Variants in APBB2 observed in about 807,000 individuals in gnomAD.
The protein encoded by APBB2 is Fe65-like 1.
In APBB2, 38 loss-of-function variants were observed where a neutral mutation model predicts 82.5. That is an observed-to-expected ratio of 0.46 (90% CI 0.36 to 0.60). APBB2 has a LOEUF of 0.60. APBB2 is among the 20% of genes least tolerant of loss of function. APBB2 has a pLI of 0.00. For synonymous variants in APBB2, 341 were observed against 368.2 expected (o/e 0.93, Z 0.85); for missense variants, 772 against 972.3 (o/e 0.79, Z 2.74).
chr4:41,129,095 C>T (rs1263870145), intron 2 of APBB2, among the ~76,000 whole-genome samples: 1 of 152,140 alleles, frequency 6.6e-6, no homozygotes, highest in African/African-American at 2.4e-5. Context: ...ATTCCCACCA[C>T]AATCCTGGCC....
At chr4:40,996,179 C>T (rs1374125702) in intron 6 of APBB2, among the ~76,000 whole-genome samples, 1 of 152,154 alleles carries the variant, frequency 6.6e-6, no homozygotes, top group Non-Finnish European at 1.5e-5. Flanking sequence ...TGTGTCATCA[C>T]TGTATTTGAG....
At chr4:41,210,531 A>C (rs1011951633) in intron 1 of APBB2, among the ~76,000 whole-genome samples, 2 of 152,224 alleles carry the variant, frequency 1.3e-5, no homozygotes, top group African/African-American at 4.8e-5. Context: ...CCGTCAACAC[A>C]TATCAGCATG....
intron 1 of APBB2, among the ~76,000 whole-genome samples, chr4:41,151,775 T>TA (rs199892662): frequency 0.011 from 1,633 of 148,980 alleles, 21 homozygotes; most frequent in South Asian, 0.059. Flanking sequence ...ATGGTCTTCT[T>TA]TTTTTTTTTT....
At chr4:41,095,797 T>G (rs892884497) in intron 3 of APBB2, among the ~76,000 whole-genome samples, 4 of 152,176 alleles carry the variant, frequency 2.6e-5, no homozygotes, top group African/African-American at 9.7e-5. Context: ...CCAGATGATA[T>G]TCCACACTAC....
intron 11 of APBB2, among the ~76,000 whole-genome samples, chr4:40,891,070 T>A (rs1458553902): frequency 1.3e-5 from 2 of 152,232 alleles, no homozygotes; most frequent in African/African-American, 4.8e-5. Flanking sequence ...CACTGGCTCA[T>A]GAACTCTCTA....
chr4:40,982,277 AGAAAGAAGGAAGGAAGGAAGGAAGGAAG>A (rs1297474359), intron 6 of APBB2, among the ~76,000 whole-genome samples: 1,409 of 25,524 alleles, frequency 0.055, 134 homozygotes, highest in Non-Finnish European at 0.084. Context: ...AAAGAAAGAA[AGAAAGAAGGAAGGAAGGAAGGAAGGAAG>A]GAAAGAAAGA....
At chr4:41,204,335 A>G (rs1777426708) in intron 1 of APBB2, among the ~76,000 whole-genome samples, 1 of 152,212 alleles carries the variant, frequency 6.6e-6, no homozygotes, top group African/African-American at 2.4e-5. Context: ...TACAGTAGAA[A>G]CAGAAAGAGA....
intron 10 of APBB2, among the ~76,000 whole-genome samples, chr4:40,910,120 AAT>A (rs1491112869): frequency 1.0e-5 from 1 of 95,320 alleles, no homozygotes; most frequent in Non-Finnish European, 2.2e-5. Flanking sequence ...ATGCCTGGCT[AAT>A]TTTTTTTTTT....
At chr4:41,156,830 C>T (rs992803687) in intron 1 of APBB2, among the ~76,000 whole-genome samples, 2 of 152,032 alleles carry the variant, frequency 1.3e-5, no homozygotes, top group African/African-American at 4.8e-5. Context: ...CTTTGTGAGG[C>T]CAAGACGGAT....
chr4:41,096,438 C>G (rs945870168), intron 3 of APBB2, among the ~76,000 whole-genome samples: 2 of 152,056 alleles, frequency 1.3e-5, no homozygotes, highest in African/African-American at 4.8e-5. Context: ...GGCAAAATAC[C>G]AAGAAATCTT....
chr4:41,136,019 T>C (rs1160617215), intron 2 of APBB2, among the ~76,000 whole-genome samples: 3 of 152,190 alleles, frequency 2.0e-5, no homozygotes, highest in African/African-American at 7.2e-5. Context: ...TGTGACTAGG[T>C]TGATCTGATT....
chr4:40,906,131 A>G (rs1039681132), intron 10 of APBB2, among the ~76,000 whole-genome samples: 1 of 152,196 alleles, frequency 6.6e-6, no homozygotes, highest in Non-Finnish European at 1.5e-5. Flanking sequence ...AGTGTATTCT[A>G]AGCATAGATT....
intron 12 of APBB2, among the ~76,000 whole-genome samples, chr4:40,851,446 C>A (rs1257354132): frequency 1.3e-5 from 2 of 152,150 alleles, no homozygotes; most frequent in African/African-American, 4.8e-5. Context: ...ACAAAACACA[C>A]CAGAATCCTC....
intron 4 of APBB2, among the ~76,000 whole-genome samples, chr4:41,046,291 G>A (rs1044433918): frequency 6.6e-6 from 1 of 152,208 alleles, no homozygotes; most frequent in African/African-American, 2.4e-5. Context: ...ACTTCTTGTA[G>A]TGAGAGGAAG....
chr4:41,163,414 T>C (rs1045269377), intron 1 of APBB2, among the ~76,000 whole-genome samples: 2 of 152,076 alleles, frequency 1.3e-5, no homozygotes, highest in African/African-American at 2.4e-5. Flanking sequence ...TCAACAAGAA[T>C]GACCAAAGAA....
chr4:40,962,689 T>C (rs964745109), intron 6 of APBB2, among the ~76,000 whole-genome samples: 2 of 151,340 alleles, frequency 1.3e-5, no homozygotes, highest in East Asian at 1.9e-4. Flanking sequence ...CTAGATAGTA[T>C]CTATATGAAT....
intron 1 of APBB2, among the ~76,000 whole-genome samples, chr4:41,148,387 T>C (rs1761365801): frequency 1.3e-5 from 2 of 152,238 alleles, no homozygotes; most frequent in African/African-American, 4.8e-5. Context: ...CTCTGTTCCA[T>C]CATCTATAAA....
chr4:41,179,088 G>A (rs1380284849), intron 1 of APBB2, among the ~76,000 whole-genome samples: 1 of 152,064 alleles, frequency 6.6e-6, no homozygotes, highest in Non-Finnish European at 1.5e-5. Flanking sequence ...CCATTTACTC[G>A]CTCAACAAAA....
intron 13 of APBB2, among the ~76,000 whole-genome samples, chr4:40,828,484 G>A (rs950355276): frequency 7.2e-5 from 11 of 152,154 alleles, no homozygotes; most frequent in African/African-American, 1.7e-4. Context: ...GAGGGCTGCC[G>A]ACAAGAATAA....
Sources: gnomAD v4.1 joint callset for allele counts (sites outside exome capture counted in the v4.1 genomes callset) on GRCh38, gnomAD v4.1.1 for gene constraint, MANE v1.5 for transcripts, NCBI Gene and HGNC (gene_info 2026-07-23, HGNC 2026-07-21) for gene names.